The following SGCZ variants were observed in gnomAD, a reference collection of about 807,000 sequenced individuals.
SGCZ encodes sarcoglycan zeta.
In SGCZ, 40 loss-of-function variants were observed where a neutral mutation model predicts 41.3. The ratio of observed to expected loss-of-function variants is 0.97; its 90% CI spans 0.75 to 1.26. The LOEUF (loss-of-function observed/expected upper bound fraction) is 1.26. Among genes scored for constraint, SGCZ ranks in the 50% most tolerant of loss-of-function variants. The pLI, the probability that SGCZ is intolerant of heterozygous loss-of-function variation, is 0.00. For synonymous variants in SGCZ, 206 were observed against 137.5 expected (o/e 1.50, Z -3.49); for missense variants, 552 against 369.8 (o/e 1.49, Z -4.04).
intron 2 of SGCZ, among the ~76,000 whole-genome samples, chr8:14,434,788 G>A (rs1256088818): frequency 6.6e-6 from 1 of 151,932 alleles, no homozygotes; most frequent in Non-Finnish European, 1.5e-5. Flanking sequence ...AGTTAGCTAG[G>A]CACGGTAACG....
intron 1 of SGCZ, among the ~76,000 whole-genome samples, chr8:15,184,520 T>G (rs2117094752): frequency 7.2e-6 from 1 of 139,038 alleles, no homozygotes; most frequent in Non-Finnish European, 1.6e-5. Flanking sequence ...TTTTTTTTTC[T>G]TTTGTCCTAC....
intron 3 of SGCZ, among the ~76,000 whole-genome samples, chr8:14,240,815 A>C (rs1160803344): frequency 6.6e-6 from 1 of 152,186 alleles, no homozygotes; most frequent in Non-Finnish European, 1.5e-5. Context: ...CCCATTGCTC[A>C]TGCATTTGAG....
intron 1 of SGCZ, among the ~76,000 whole-genome samples, chr8:14,706,637 T>C (rs1809340403): frequency 1.3e-5 from 2 of 152,132 alleles, no homozygotes; most frequent in Admixed American, 6.6e-5. Context: ...AGCCAAGTTG[T>C]GGGACTCCTA....
chr8:14,618,987 A>G (rs985419057), intron 1 of SGCZ, among the ~76,000 whole-genome samples: 1 of 152,186 alleles, frequency 6.6e-6, no homozygotes, highest in Admixed American at 6.5e-5. Flanking sequence ...TTTCTCTTTT[A>G]GATGTCCAAG....
intron 1 of SGCZ, among the ~76,000 whole-genome samples, chr8:14,875,826 C>T (rs901509010): frequency 3.3e-5 from 5 of 152,158 alleles, no homozygotes; most frequent in African/African-American, 4.8e-5. Context: ...GATGATTTCA[C>T]ATCTGGGCCA....
intron 1 of SGCZ, among the ~76,000 whole-genome samples, chr8:14,978,368 G>C (rs1417663036): frequency 8.0e-6 from 1 of 125,362 alleles, no homozygotes; most frequent in East Asian, 2.3e-4. Flanking sequence ...CTACTTGGGA[G>C]GCTGAGGCAG....
intron 2 of SGCZ, among the ~76,000 whole-genome samples, chr8:14,430,754 T>C (rs1799921345): frequency 1.3e-5 from 2 of 152,154 alleles, no homozygotes; most frequent in Admixed American, 1.3e-4. Flanking sequence ...AAAGTCAAAA[T>C]GTCGTTGTTT....
In SGCZ at chr8:14,108,223, G is replaced by T; in HGVS notation, c.560C>A (p.Ala187Asp). Reference sequence around the variant, plus strand: ...CGTCTCCACAGAGTGCCCAAATACGGCTCCTTCAGTGCCTGGGGGTAGCAT... The same window carrying T: ...CGTCTCCACAGAGTGCCCAAATACGTCTCCTTCAGTGCCTGGGGGTAGCAT... The part of the protein sequence containing the change: ...EKLKVTGTEG[A>D]VFGHSVETPH... The change falls in exon 6 of 8, where the codon GCC becomes GAC. Residue 187 changes from alanine (A) to aspartate (D), a missense_variant. Transcript: ENST00000382080. The T allele has an allele frequency of 6.2e-7, 1 of 1,614,042 alleles. No individual in the cohort carries two copies. The highest frequency in any genetic ancestry group is 1.1e-5 in the South Asian group (1 of 91,080).
In SGCZ at chr8:14,258,801, C is replaced by T. The variant is rs992820239; in HGVS notation, c.337-21122G>A. 2.9e-4 allele frequency among the ~76,000 whole-genome samples: 44 copies of T among 152,164 alleles called. No homozygotes were observed. The Middle Eastern group carries it at 0.01, about 35-fold the overall frequency. ...ATGACCTTCAAGTGTGAGGATTACA[C>T]GCAGCACAATAGAAATAAATGAGAA... On this transcript the variant is annotated intron_variant, in intron 3 of 7. Transcript: ENST00000382080.
At chr8:14,865,668 C>T (rs1803907057) in intron 1 of SGCZ, among the ~76,000 whole-genome samples, 1 of 152,072 alleles carries the variant, frequency 6.6e-6, no homozygotes, top group African/African-American at 2.4e-5. Context: ...CAGGCCAACA[C>T]ATCTGCATAA....
chr8:14,869,649 G>T (rs1804071143), intron 1 of SGCZ, among the ~76,000 whole-genome samples: 3 of 152,160 alleles, frequency 2.0e-5, no homozygotes, highest in Admixed American at 2.0e-4. Context: ...AAGTCAAATT[G>T]TCTCTGTTTG....
At chr8:14,244,772 T>G (rs1799024176) in intron 3 of SGCZ, among the ~76,000 whole-genome samples, 1 of 152,104 alleles carries the variant, frequency 6.6e-6, no homozygotes, top group African/African-American at 2.4e-5. Flanking sequence ...ATGTCATTGA[T>G]CAGTGGTTTG....
intron 1 of SGCZ, among the ~76,000 whole-genome samples, chr8:15,133,149 TATAA>T (rs139910762): frequency 4.3e-4 from 65 of 151,314 alleles, no homozygotes; most frequent in African/African-American, 1.3e-3. Context: ...TCTCAAAATA[TATAA>T]ATAAATAAAT....
chr8:14,170,584 A>G (rs953956198), intron 4 of SGCZ, among the ~76,000 whole-genome samples: 7 of 152,166 alleles, frequency 4.6e-5, no homozygotes, highest in African/African-American at 1.4e-4. Flanking sequence ...GTCTAAGAGA[A>G]GTGAATGCAG....
intron 2 of SGCZ, among the ~76,000 whole-genome samples, chr8:14,389,652 A>T (rs997120031): frequency 6.6e-6 from 1 of 152,002 alleles, no homozygotes; most frequent in East Asian, 1.9e-4. Flanking sequence ...GAAAATTAGT[A>T]CTTAAGAATA....
At chr8:14,243,729 A>C (rs561445396) in intron 3 of SGCZ, among the ~76,000 whole-genome samples, 2 of 152,126 alleles carry the variant, frequency 1.3e-5, no homozygotes, top group Non-Finnish European at 2.9e-5. Flanking sequence ...ATCAGGAAAA[A>C]GTATAGACAT....
At chr8:14,291,507 A>C (rs1800842549) in intron 3 of SGCZ, among the ~76,000 whole-genome samples, 1 of 151,986 alleles carries the variant, frequency 6.6e-6, no homozygotes, top group Non-Finnish European at 1.5e-5. Flanking sequence ...CATACTCTTG[A>C]ACACTTTAGC....
At chr8:14,396,066 G>C (rs1160973088) in intron 2 of SGCZ, among the ~76,000 whole-genome samples, 1 of 151,978 alleles carries the variant, frequency 6.6e-6, no homozygotes. Flanking sequence ...GTAAGACCAA[G>C]GTATGGGTAC....
At chr8:14,187,885 G>A (rs1378136918) in intron 4 of SGCZ, among the ~76,000 whole-genome samples, 1 of 152,100 alleles carries the variant, frequency 6.6e-6, no homozygotes, top group Admixed American at 6.5e-5. Flanking sequence ...ACACATGGAT[G>A]CATCATAATA....
Sources: allele counts gnomAD v4.1 joint callset (sites outside exome capture counted in the v4.1 genomes callset), GRCh38; gene constraint gnomAD v4.1.1; transcripts MANE v1.5; gene names NCBI Gene and HGNC (gene_info 2026-07-23, HGNC 2026-07-21).